PI4KA: variants seen among roughly 807,000 people sequenced by gnomAD.
PI4KA encodes the protein PI4-kinase alpha.
In PI4KA, 122 loss-of-function variants were observed where a neutral mutation model predicts 271.4. That is an observed-to-expected ratio of 0.45 (90% CI 0.39 to 0.52). The LOEUF is 0.52. Ranked by LOEUF, PI4KA falls within the 20% of genes least tolerant of loss-of-function variation. The pLI is 0.00. For missense variants in PI4KA, 1,969 were observed against 2,769.1 expected (o/e 0.71, Z 6.48); for synonymous variants, 1,041 against 1,078.8 (o/e 0.96, Z 0.69).
In PI4KA at chr22:20,742,657, G is replaced by A; in HGVS notation, c.3564C>T (p.His1188=). The change falls in exon 31 of 55, where the codon CAC becomes CAT. Residue 1188 remains histidine, a synonymous_variant. Transcript: ENST00000255882. ...TCAGCTTGAACATGGCCTGCGTGTA[G>A]TGCTGAGGATGACTGCGGTCTAAAG... ...HSALDRSHPQ[H]YTQAMFKLTA... is the part of the protein sequence containing the mutation. The A allele has an allele frequency of 1.9e-6, 3 of 1,614,162 alleles. No individual in the cohort carries two copies. The highest frequency in any genetic ancestry group is 2.5e-6 in the Non-Finnish European group (3 of 1,180,008).
chr22:20,774,811 T>G (rs1481906894), intron 19 of PI4KA, among the ~76,000 whole-genome samples: 1 of 149,302 alleles, frequency 6.7e-6, no homozygotes, highest in Non-Finnish European at 1.5e-5. Context: ...GAACAAGATA[T>G]AGGAGACCTA....
At position 20,742,200 on chromosome 22, in the gene PI4KA, C is replaced by T. The variant is rs758086374; in HGVS notation, c.3741+28G>A. On this transcript the variant is annotated intron_variant, in intron 32 of 54. Coordinates refer to ENST00000255882, the MANE Select transcript of PI4KA (RefSeq NM_058004.4). Reference sequence around the variant, plus strand: ...CCCGTCTGTTATCCCATCCCATCCTCACTGCCAACCCGAGGTCAGGGTCCT... The same window carrying T: ...CCCGTCTGTTATCCCATCCCATCCTTACTGCCAACCCGAGGTCAGGGTCCT... 4 of 1,610,384 alleles carry T rather than the reference C, an allele frequency of 2.5e-6. No homozygotes were observed. In the South Asian group the frequency reaches 4.4e-5, roughly 18 times the overall value.
intron 1 of PI4KA, among the ~76,000 whole-genome samples, chr22:20,858,210 C>G (rs1049497843): frequency 6.6e-6 from 1 of 152,154 alleles, no homozygotes; most frequent in Non-Finnish European, 1.5e-5. Context: ...AGGTCTTGAC[C>G]CCTGGTCCTC....
chr22:20,817,386 T>A (rs547758638), intron 7 of PI4KA, among the ~76,000 whole-genome samples: 3 of 152,222 alleles, frequency 2.0e-5, no homozygotes, highest in Non-Finnish European at 4.4e-5. Flanking sequence ...GGTAGTCACA[T>A]GAATCCAATT....
chr22:20,743,812 T>C (rs1929740638), intron 30 of PI4KA, among the ~76,000 whole-genome samples: 1 of 151,946 alleles, frequency 6.6e-6, no homozygotes. Flanking sequence ...CCCAGCAGTT[T>C]GGGAGGCCGA....
intron 36 of PI4KA, among the ~76,000 whole-genome samples, chr22:20,732,724 G>A (rs1447988812): frequency 6.6e-6 from 1 of 152,210 alleles, no homozygotes; most frequent in African/African-American, 2.4e-5. Flanking sequence ...TGCCAGTGCA[G>A]GGAAAGTGCG....
chr22:20,858,486 T>A (rs906820229), intron 1 of PI4KA, 84 bp downstream of exon 1: 1 of 1,036,006 alleles, frequency 9.7e-7, no homozygotes, highest in Non-Finnish European at 1.3e-6. Context: ...AGCCTCGGCC[T>A]CCCACAGACC....
At chr22:20,729,291 G>A in intron 39 of PI4KA, 22 bp downstream of exon 39, 1 of 1,603,972 alleles carries the variant, frequency 6.2e-7, no homozygotes, top group African/African-American at 1.3e-5. Context: ...CCTGTGTCAG[G>A]CTGTGGTGCC....
chr22:20,841,792 G>A (rs1441379240), intron 1 of PI4KA, among the ~76,000 whole-genome samples: 1 of 152,186 alleles, frequency 6.6e-6, no homozygotes. Context: ...TCATTAAAAG[G>A]AGAAGAGAGA....
chr22:20,804,076 C>T (rs1186831920), intron 12 of PI4KA, among the ~76,000 whole-genome samples: 3 of 152,230 alleles, frequency 2.0e-5, no homozygotes, highest in African/African-American at 7.2e-5. Flanking sequence ...GAACTGAAGC[C>T]AGCTGCACCC....
At chr22:20,727,449 G>C in intron 40 of PI4KA, 52 bp from the exon 41 acceptor site, 1 of 1,491,098 alleles carries the variant, frequency 6.7e-7, no homozygotes, top group African/African-American at 1.4e-5. Flanking sequence ...GGGACCTCTG[G>C]AAATACCTGG....
At chr22:20,795,167 T>C (rs1380353916) in intron 18 of PI4KA, among the ~76,000 whole-genome samples, 1 of 152,164 alleles carries the variant, frequency 6.6e-6, no homozygotes, top group African/African-American at 2.4e-5. Flanking sequence ...TTTTAATTTA[T>C]AGTACCCCCG....
intron 7 of PI4KA, among the ~76,000 whole-genome samples, chr22:20,817,778 A>G: frequency 7.1e-6 from 1 of 140,794 alleles, no homozygotes; most frequent in Non-Finnish European, 1.5e-5. Context: ...AAAAAGTAGT[A>G]ACAGTAGTAT....
intron 19 of PI4KA, among the ~76,000 whole-genome samples, chr22:20,782,637 G>A (rs569871396): frequency 1.3e-5 from 2 of 152,286 alleles, no homozygotes; most frequent in South Asian, 2.1e-4. Context: ...TGAAAGGGCC[G>A]TGATTCCCAA....
Position 20,787,168 on chromosome 22 carries a change from C to T in PI4KA, c.2328+6025G>A, listed in dbSNP as rs532582724. 5.2e-4 allele frequency: 556 copies of T among 1,072,636 alleles called. 1 individual carries two copies. Among genetic ancestry groups the T allele is most frequent in the Admixed American group, 1.1e-3 (61 of 55,394 alleles). The allele number at this position is 1,072,636 out of a possible 1,614,324, so 66.4% of individuals were successfully genotyped here. Reference sequence around the variant, plus strand: ...GTTCTGGCATCATTTACGTAGTTTACGCTACCAATCTGAATTCGAGGCCCA... The same window carrying T: ...GTTCTGGCATCATTTACGTAGTTTATGCTACCAATCTGAATTCGAGGCCCA... On this transcript the variant is annotated intron_variant, in intron 19 of 54. Coordinates refer to ENST00000255882, the MANE Select transcript of PI4KA (RefSeq NM_058004.4).
intron 50 of PI4KA, among the ~76,000 whole-genome samples, 173 bp from the exon 51 acceptor site, chr22:20,711,634 T>G (rs928146890): frequency 6.6e-6 from 1 of 152,084 alleles, no homozygotes; most frequent in Non-Finnish European, 1.5e-5. Context: ...TGACAGGGGC[T>G]CTCTGTGGAA....
Position 20,712,606 on chromosome 22 carries a change from C to T in PI4KA, c.5682G>A (p.Gly1894=), listed in dbSNP as rs1245300979. Residue 1894 remains glycine (G), a synonymous_variant, in exon 50 of 55, where the codon GGG becomes GGA. Transcript: ENST00000255882. ...YRVVATAPGC[G]VIECIPDCTS... ...TGCAGTCGGGGATGCACTCGATCAC[C>T]CCGCACTAGGAGGAAAGGCCAGTTC... 16 of 1,583,592 alleles carry T rather than the reference C, an allele frequency of 1.0e-5. No homozygotes were observed. The highest frequency in any genetic ancestry group is 1.8e-5 in the Admixed American group (1 of 54,980).
chr22:20,732,833 C>T (rs1376764401), intron 36 of PI4KA, 138 bp downstream of exon 36: 11 of 844,528 alleles, frequency 1.3e-5, no homozygotes, highest in East Asian at 2.7e-5. Context: ...CTCCAATGAC[C>T]GTGCAACACA....
chr22:20,824,481 C>A (rs1424318130), intron 3 of PI4KA, 67 bp from the exon 4 acceptor site: 15 of 1,094,678 alleles, frequency 1.4e-5, no homozygotes, highest in Non-Finnish European at 1.6e-5. Context: ...TCTGGCCATC[C>A]AATTCAATAT....
Sources: gnomAD v4.1 joint callset for allele counts (sites outside exome capture counted in the v4.1 genomes callset) on GRCh38, gnomAD v4.1.1 for gene constraint, MANE v1.5 for transcripts, NCBI Gene and HGNC (gene_info 2026-07-23, HGNC 2026-07-21) for gene names.